Variants in VAV3 observed in about 807,000 individuals in gnomAD.
VAV3 encodes the protein guanine nucleotide exchange factor VAV3.
A neutral mutation model predicts 131.2 loss-of-function variants in VAV3; 94 were observed. That is an observed-to-expected ratio of 0.72 (90% CI 0.61 to 0.85). The LOEUF (loss-of-function observed/expected upper bound fraction) is 0.85. Ranked by LOEUF, VAV3 falls within the 40% of genes least tolerant of loss-of-function variation. The pLI, the probability that VAV3 is intolerant of heterozygous loss-of-function variation, is 0.00. For synonymous variants in VAV3, 349 were observed against 342.0 expected (o/e 1.02, Z -0.22); for missense variants, 939 against 1,002.7 (o/e 0.94, Z 0.86).
chr1:107,903,949 A>G (rs1409153227), intron 1 of VAV3, among the ~76,000 whole-genome samples: 1 of 151,920 alleles, frequency 6.6e-6, no homozygotes, highest in Non-Finnish European at 1.5e-5. Context: ...TCCTTTGCCT[A>G]CCACTCCCAT....
intron 15 of VAV3, among the ~76,000 whole-genome samples, chr1:107,707,283 A>G (rs566924511): frequency 6.6e-6 from 1 of 152,350 alleles, no homozygotes; most frequent in African/African-American, 2.4e-5. Context: ...GTATTGAATA[A>G]AAAGCATAGG....
chr1:107,672,557 C>T lies in VAV3; in HGVS notation c.1777+10931G>A, dbSNP rs541184127. On this transcript the variant is annotated intron_variant, in intron 19 of 26. Coordinates refer to ENST00000370056, the MANE Select transcript of VAV3 (RefSeq NM_006113.5). Reference sequence around the variant, plus strand: ...ATAAATAAAATGTCTGTAACTTTGACTCCTGGTAAATTTAAAACTTTATAT... The same window carrying T: ...ATAAATAAAATGTCTGTAACTTTGATTCCTGGTAAATTTAAAACTTTATAT... Among the ~76,000 whole-genome samples the T allele has an allele frequency of 4.6e-5, 7 of 151,976 alleles. No homozygotes were observed. In the East Asian group the frequency reaches 1.4e-3, roughly 29 times the overall value.
intron 25 of VAV3, among the ~76,000 whole-genome samples, chr1:107,581,558 T>A (rs1650052905): frequency 2.6e-5 from 4 of 152,232 alleles, no homozygotes; most frequent in Non-Finnish European, 5.9e-5. Flanking sequence ...AGCATAGCCA[T>A]AATAACTGAC....
intron 15 of VAV3, among the ~76,000 whole-genome samples, chr1:107,734,830 T>G (rs1298600413): frequency 6.6e-6 from 1 of 152,182 alleles, no homozygotes; most frequent in Non-Finnish European, 1.5e-5. Flanking sequence ...TATCCAGGAC[T>G]TGAACTCAGC....
chr1:107,606,724 A>G (rs1379533817), intron 22 of VAV3, among the ~76,000 whole-genome samples: 1 of 151,378 alleles, frequency 6.6e-6, no homozygotes, highest in Non-Finnish European at 1.5e-5. Context: ...CTTACTTCCA[A>G]TGAACTTAAG....
At chr1:107,955,728 A>C (rs1246930779) in intron 1 of VAV3, among the ~76,000 whole-genome samples, 1 of 151,044 alleles carries the variant, frequency 6.6e-6, no homozygotes, top group Non-Finnish European at 1.5e-5. Flanking sequence ...CATAGTCTTC[A>C]AGAAACTGCA....
At chr1:107,952,174 C>A (rs1674571667) in intron 1 of VAV3, among the ~76,000 whole-genome samples, 1 of 151,946 alleles carries the variant, frequency 6.6e-6, no homozygotes, top group Admixed American at 6.6e-5. Context: ...ATGGATAGCG[C>A]TGGAGGCCAT....
intron 1 of VAV3, among the ~76,000 whole-genome samples, chr1:107,898,557 G>A (rs919115232): frequency 5.9e-5 from 9 of 152,074 alleles, no homozygotes; most frequent in African/African-American, 2.2e-4. Flanking sequence ...CCATAAAGAT[G>A]ACTTTTCCAA....
intron 4 of VAV3, among the ~76,000 whole-genome samples, chr1:107,775,488 G>A (rs760964999): frequency 7.2e-6 from 1 of 137,984 alleles, no homozygotes; most frequent in Non-Finnish European, 1.5e-5. Flanking sequence ...TGAGGCAGGA[G>A]AATCACTTGA....
intron 2 of VAV3, among the ~76,000 whole-genome samples, chr1:107,793,566 C>T (rs1246562308): frequency 6.6e-6 from 1 of 152,152 alleles, no homozygotes; most frequent in African/African-American, 2.4e-5. Flanking sequence ...AAGGGAACGG[C>T]TGAGTGGCAG....
intron 17 of VAV3, among the ~76,000 whole-genome samples, chr1:107,704,217 T>A (rs959556485): frequency 1.1e-4 from 17 of 152,308 alleles, no homozygotes; most frequent in South Asian, 8.3e-4. Flanking sequence ...GTTGTTTTTG[T>A]TACTCTATTT....
intron 20 of VAV3, among the ~76,000 whole-genome samples, chr1:107,634,884 T>G (rs1259144577): frequency 1.1e-4 from 16 of 152,006 alleles, no homozygotes; most frequent in East Asian, 3.9e-4. Context: ...CATCATCACT[T>G]GCCATCAGAG....
In VAV3 at chr1:107,617,176, G is replaced by T. The variant is rs144092184; in HGVS notation, c.1980+391C>A. Among the ~76,000 whole-genome samples the T allele has an allele frequency of 3.0e-3, 460 of 152,150 alleles. 2 individuals carry two copies. Among genetic ancestry groups the T allele is most frequent in the African/African-American group, 0.01 (434 of 41,502 alleles). On this transcript the variant is annotated intron_variant, in intron 21 of 26. Transcript: ENST00000370056. ...AAATTTGTGGACTTTTCATTTTCTA[G>T]CAAGCTTTCAAAGACATCAGCTGAA...
intron 1 of VAV3, among the ~76,000 whole-genome samples, chr1:107,881,518 C>T (rs1255344917): frequency 6.6e-6 from 1 of 152,192 alleles, no homozygotes; most frequent in Non-Finnish European, 1.5e-5. Context: ...GCTGCCTAGC[C>T]TCTCTCTCAG....
chr1:107,888,169 C>A (rs1026664167), intron 1 of VAV3, among the ~76,000 whole-genome samples: 1 of 152,142 alleles, frequency 6.6e-6, no homozygotes, highest in Admixed American at 6.5e-5. Context: ...TTATTAACCC[C>A]ACACTGTGAT....
Position 107,596,321 on chromosome 1 carries a change from C to T in VAV3, c.2241G>A (p.Lys747=). 1.2e-6 allele frequency: 2 copies of T among 1,612,488 alleles called. No individual in the cohort carries two copies. Among genetic ancestry groups the T allele is most frequent in the Non-Finnish European group, 1.7e-6 (2 of 1,179,222 alleles). ...KSLMELVEYY[K]HHSLKEGFRT... ...TGAACCCTTCCTTGAGAGAATGATG[C>T]TTGTAGTACTCCACAAGTTCCTTTG... is the stretch of plus-strand genomic sequence containing the variant. The change falls in exon 25 of 27, where the codon AAG becomes AAA. Residue 747 remains lysine (K), a synonymous_variant. Coordinates refer to ENST00000370056, the MANE Select transcript of VAV3 (RefSeq NM_006113.5).
chr1:107,597,692 C>T (rs1361458099), intron 24 of VAV3, among the ~76,000 whole-genome samples: 1 of 152,136 alleles, frequency 6.6e-6, no homozygotes, highest in Non-Finnish European at 1.5e-5. Flanking sequence ...AAACAAAGAC[C>T]ACCTTTCATA....
intron 19 of VAV3, among the ~76,000 whole-genome samples, chr1:107,660,980 C>T (rs968989238): frequency 1.3e-5 from 2 of 151,822 alleles, no homozygotes; most frequent in East Asian, 1.9e-4. Context: ...GCAGTGTATA[C>T]AAGATGACCT....
intron 1 of VAV3, among the ~76,000 whole-genome samples, chr1:107,955,663 A>C (rs1674774466): frequency 6.6e-6 from 1 of 152,134 alleles, no homozygotes. Context: ...CAAATGAAAA[A>C]GGGAACTTCA....
Sources: allele counts gnomAD v4.1 joint callset (sites outside exome capture counted in the v4.1 genomes callset), GRCh38; gene constraint gnomAD v4.1.1; transcripts MANE v1.5; gene names NCBI Gene and HGNC (gene_info 2026-07-23, HGNC 2026-07-21).